Variants in SPTBN4 observed in about 807,000 individuals in gnomAD.
SPTBN4 encodes the protein spectrin beta chain, non-erythrocytic 4.
In SPTBN4, 96 loss-of-function variants were observed where a neutral mutation model predicts 277.8. The ratio of observed to expected loss-of-function variants is 0.35; its 90% CI spans 0.29 to 0.41. The LOEUF (loss-of-function observed/expected upper bound fraction) is 0.41, where lower values mean the gene tolerates loss of function less well. SPTBN4 is among the 10% of genes least tolerant of loss of function. The pLI, the probability that SPTBN4 is intolerant of heterozygous loss-of-function variation, is 1.00. For synonymous variants in SPTBN4, 1,481 were observed against 1,580.3 expected (o/e 0.94, Z 1.49); for missense variants, 3,006 against 3,595.7 (o/e 0.84, Z 4.19).
At chr19:40,529,774 A>T (rs2080641298) in intron 18 of SPTBN4, among the ~76,000 whole-genome samples, 1 of 152,012 alleles carries the variant, frequency 6.6e-6, no homozygotes, top group Admixed American at 6.6e-5. Flanking sequence ...CCTAAACCCT[A>T]AACAGAGCTA....
intron 2 of SPTBN4, among the ~76,000 whole-genome samples, chr19:40,482,824 C>T (rs1441627971): frequency 6.6e-6 from 1 of 151,214 alleles, no homozygotes; most frequent in South Asian, 2.1e-4. Flanking sequence ...AGCCGGGCCT[C>T]GTGGCGCATG....
intron 12 of SPTBN4, among the ~76,000 whole-genome samples, chr19:40,504,685 A>G (rs2080305062): frequency 6.6e-6 from 1 of 152,030 alleles, no homozygotes; most frequent in African/African-American, 2.4e-5. Flanking sequence ...AAAAACAAAA[A>G]AAACAAAAAA....
chr19:40,481,351 G>A (rs757722537), intron 2 of SPTBN4, among the ~76,000 whole-genome samples: 2 of 152,018 alleles, frequency 1.3e-5, no homozygotes, highest in East Asian at 1.9e-4. Flanking sequence ...CCATGCGCCC[G>A]GCCAAGTGAG....
Position 40,503,981 on chromosome 19 carries a change from G to A in SPTBN4, c.1514G>A (p.Arg505Gln), listed in dbSNP as rs758315937. Residue 505 changes from arginine to glutamine, a missense_variant, in exon 12 of 36, where the codon CGG (arginine) becomes CAG (glutamine). Physicochemically the swap from Arg to Gln is conservative, Grantham distance 43. Coordinates refer to ENST00000598249, the MANE Select transcript of SPTBN4 (RefSeq NM_020971.3). ...GCCGAAGGCTACTACGATATCCGGC[G>A]GGTGGCAGCCCAGCGTGACAGCGTC... ...LAAEGYYDIR[R>Q]VAAQRDSVLR... 14 of 1,613,962 alleles carry A rather than the reference G, an allele frequency of 8.7e-6. No individual in the cohort carries two copies. The highest frequency in any genetic ancestry group is 5.0e-5 in the Admixed American group (3 of 60,014).
At chr19:40,498,328 A>T (rs1339398148) in intron 7 of SPTBN4, among the ~76,000 whole-genome samples, 1 of 151,410 alleles carries the variant, frequency 6.6e-6, no homozygotes. Flanking sequence ...TTTCATCTTC[A>T]CACTGACCTG....
At position 40,475,309 on chromosome 19, in the gene SPTBN4, AGC is replaced by A. The variant is rs549246990; in HGVS notation, c.169+2522_169+2523del. ...GGACCTTAACATCTTAGAAACACGG[AGC>A]GCTAGAATCATAAAATATAGATGAT... is the stretch of plus-strand genomic sequence containing the variant. On this transcript the variant is annotated intron_variant, in intron 2 of 35. Transcript: ENST00000598249. Among the ~76,000 whole-genome samples, 408 of 152,252 alleles carry A rather than the reference AGC, an allele frequency of 2.7e-3. 1 individual carries two copies. Among genetic ancestry groups the A allele is most frequent in the Non-Finnish European group, 4.1e-3 (277 of 68,016 alleles).
intron 21 of SPTBN4, 115 bp downstream of exon 21, chr19:40,549,528 A>C: frequency 1.3e-6 from 1 of 788,596 alleles, no homozygotes; most frequent in Non-Finnish European, 1.9e-6. Context: ...TCATACGCTG[A>C]AAGACGCATT....
At chr19:40,484,203 C>T (rs2080043992) in intron 2 of SPTBN4, among the ~76,000 whole-genome samples, 1 of 152,038 alleles carries the variant, frequency 6.6e-6, no homozygotes, top group Admixed American at 6.6e-5. Context: ...TTAACCATCA[C>T]CCCTTCCCTT....
At chr19:40,539,350 T>C (rs1169286809) in intron 20 of SPTBN4, among the ~76,000 whole-genome samples, 4 of 152,050 alleles carry the variant, frequency 2.6e-5, no homozygotes, top group Non-Finnish European at 4.4e-5. Flanking sequence ...ATAGCAGGAG[T>C]GTGGGAAGCA....
chr19:40,552,683 C>T (rs938782667), intron 22 of SPTBN4, among the ~76,000 whole-genome samples: 2 of 152,038 alleles, frequency 1.3e-5, no homozygotes, highest in Non-Finnish European at 2.9e-5. Flanking sequence ...GATCATTCTG[C>T]AGTAGGTAGA....
Position 40,549,234 on chromosome 19 carries a change from C to G in SPTBN4, c.4405C>G (p.Leu1469Val). 6.5e-7 allele frequency: 1 copy of G among 1,548,692 alleles called. No homozygotes were observed. The highest frequency in any genetic ancestry group is 1.2e-5 in the South Asian group (1 of 83,992). ...GGAGTGGTACCGCGAGGTGGGAGAG[C>G]TGCAGGCGCAGACGGCGGCGCTGCC... is the stretch of plus-strand genomic sequence containing the variant. ...VEEWYREVGE[L>V]QAQTAALPLE... The change falls in exon 21 of 36, where the codon CTG becomes GTG. Residue 1469 changes from leucine to valine, a missense_variant. Physicochemically the swap from Leu to Val is conservative, Grantham distance 32. Coordinates refer to ENST00000598249, the MANE Select transcript of SPTBN4 (RefSeq NM_020971.3).
rs2080277449 is a variant in SPTBN4, at chr19:40,502,719, A to G, written c.1204-56A>G. 6.3e-7 allele frequency: 1 copy of G among 1,587,530 alleles called. No homozygotes were observed. The highest frequency in any genetic ancestry group is 1.1e-5 in the South Asian group (1 of 87,350). On this transcript the variant is annotated intron_variant, in intron 10 of 35. Coordinates refer to ENST00000598249, the MANE Select transcript of SPTBN4 (RefSeq NM_020971.3). The surrounding 1 kb of genome is among the most constrained non-coding windows in gnomAD (Gnocchi z 4.9). ...ATGAGTGACCTCAGACTAAGTCAAGACCATTAAACTGTGGGGAGCTGTCAG... is the reference window on the plus strand; with the variant it reads ...ATGAGTGACCTCAGACTAAGTCAAGGCCATTAAACTGTGGGGAGCTGTCAG...
chr19:40,506,432 G>T lies in SPTBN4; in HGVS notation c.1816+46G>T, dbSNP rs370981789. 73 of 1,578,276 alleles carry T rather than the reference G, an allele frequency of 4.6e-5. No individual in the cohort carries two copies. The African/African-American group carries it at 8.6e-4, about 19-fold the overall frequency. The stretch of plus-strand genomic sequence containing the variant: ...TGGGGCTATGGGTGGAGACTGTCAG[G>T]ACTGGTGCTAATAGAGGCAAGAGTG... On this transcript the variant is annotated intron_variant, in intron 13 of 35. Transcript: ENST00000598249.
At chr19:40,537,306 A>G (rs921768531) in intron 20 of SPTBN4, among the ~76,000 whole-genome samples, 16 of 152,166 alleles carry the variant, frequency 1.1e-4, no homozygotes, top group East Asian at 1.9e-4. Flanking sequence ...CATGGCATCC[A>G]GACTGTAGTT....
At chr19:40,499,656 C>T (rs937937247) in intron 7 of SPTBN4, among the ~76,000 whole-genome samples, 4 of 152,022 alleles carry the variant, frequency 2.6e-5, no homozygotes, top group African/African-American at 9.7e-5. Context: ...CTTGGCCTCC[C>T]AGAGTGCCTG....
Position 40,519,613 on chromosome 19 carries a change from C to A in SPTBN4, c.3116C>A (p.Ala1039Glu), listed in dbSNP as rs2080500614. 5 of 1,450,240 alleles carry A rather than the reference C, an allele frequency of 3.4e-6. No individual in the cohort carries two copies. Among genetic ancestry groups the A allele is most frequent in the Admixed American group, 3.1e-5 (1 of 32,558 alleles). The allele number at this position is 1,450,240 out of a possible 1,614,324, so 89.8% of individuals were successfully genotyped here. The part of the protein sequence containing the change: ...AALQALEPRQ[A>E]ALLEEAALLA... ...CTGCAGGCGCTGGAGCCGCGCCAGG[C>A]GGCCCTTCTGGAGGAGGCAGCCCTG... The change falls in exon 16 of 36, where the codon GCG (alanine) becomes GAG (glutamate). Residue 1039 changes from alanine to glutamate, a missense_variant. Around this residue, in one of 5 missense-constraint regions of SPTBN4, gnomAD observed 1,759 missense variants for 2,061.5 expected, o/e 0.85. Coordinates refer to ENST00000598249, the MANE Select transcript of SPTBN4 (RefSeq NM_020971.3). This position sits in a 1 kb window ranked among gnomAD's most constrained non-coding sequence, Gnocchi z 5.7.
rs2080629274 is a variant in SPTBN4, at chr19:40,529,039, AG to A, written c.3858del. 6.2e-7 allele frequency: 1 copy of A among 1,613,404 alleles called. No individual in the cohort carries two copies. Among genetic ancestry groups the A allele is most frequent in the Non-Finnish European group, 8.5e-7 (1 of 1,179,756 alleles). On this transcript the variant is annotated splice_acceptor_variant, in intron 17 of 35. Transcript: ENST00000598249. LOFTEE classifies it high-confidence loss of function. Reference sequence around the variant, plus strand: ...CCCCAGCCCTTATCTCCCCATCCCCAGGAACCAAGAAAACCAGTTACGGGCC... The same window carrying A: ...CCCCAGCCCTTATCTCCCCATCCCCAGAACCAAGAAAACCAGTTACGGGCC...
Position 40,568,130 on chromosome 19 carries a change from G to A in SPTBN4, c.6804G>A (p.Glu2268=). Residue 2268 remains glutamate, a synonymous_variant, in exon 31 of 36, where the codon GAG becomes GAA. Transcript: ENST00000598249. The part of the protein sequence containing the change: ...SEEAARRRRP[E]RQESAEHEAA... ...AGGCTGCGCGGAGGCGGCGGCCGGA[G>A]CGGCAGGAGTCAGCGGAGCACGAGG... 1 of 1,575,864 alleles carries A rather than the reference G, an allele frequency of 6.3e-7. No homozygotes were observed. Among genetic ancestry groups the A allele is most frequent in the Non-Finnish European group, 8.6e-7 (1 of 1,161,396 alleles).
Position 40,546,225 on chromosome 19 carries a change from C to CAA in SPTBN4, c.4360-2949_4360-2948dup, listed in dbSNP as rs557010488. On this transcript the variant is annotated intron_variant, in intron 20 of 35. Coordinates refer to ENST00000598249, the MANE Select transcript of SPTBN4 (RefSeq NM_020971.3). Reference sequence around the variant, plus strand: ...GGGCAAAAAGAGCGAAACTCCATCTCAAAAAAAAAAAAAAAAGAAAGAAAG... The same window carrying CAA: ...GGGCAAAAAGAGCGAAACTCCATCTCAAAAAAAAAAAAAAAAAAGAAAGAAAG... 2.9e-4 allele frequency among the ~76,000 whole-genome samples: 20 copies of CAA among 69,274 alleles called. 1 individual carries two copies. Among genetic ancestry groups the CAA allele is most frequent in the African/African-American group, 1.1e-3 (20 of 17,826 alleles). 45.4% of individuals were successfully genotyped at this position (69,274 alleles called of 152,430 possible). A position where few individuals can be genotyped will look rare whatever the true frequency, so the allele number is the denominator to read the frequency against.
Sources: gnomAD v4.1 joint callset for allele counts (sites outside exome capture counted in the v4.1 genomes callset) on GRCh38, gnomAD v4.1.1 for gene constraint, gnomAD v4.1.1 regional missense constraint, Gnocchi (gnomAD v3.1) non-coding constraint, MANE v1.5 for transcripts, NCBI Gene and HGNC (gene_info 2026-07-23, HGNC 2026-07-21) for gene names.